The following LEKR1 variants were observed in gnomAD, a reference collection of about 807,000 sequenced individuals.
LEKR1 encodes the protein protein LEKR1.
In LEKR1, 59 loss-of-function variants were observed where a neutral mutation model predicts 72.4. The ratio of observed to expected loss-of-function variants is 0.82; its 90% CI spans 0.66 to 1.01. LEKR1 has a LOEUF of 1.01. Among genes scored for constraint, LEKR1 ranks in the 50% least tolerant of loss-of-function variants. LEKR1 has a pLI of 0.00. For missense variants in LEKR1, 728 were observed against 759.2 expected, an observed-to-expected ratio of 0.96 and a Z score of 0.48; for synonymous variants, 257 against 263.2, an observed-to-expected ratio of 0.98 and a Z score of 0.23.
At chr3:157,043,897 T>C (rs928838923) in intron 12 of LEKR1, among the ~76,000 whole-genome samples, 1 of 152,208 alleles carries the variant, frequency 6.6e-6, no homozygotes, top group Non-Finnish European at 1.5e-5. Flanking sequence ...ATGTAAATGA[T>C]GAGTATTTGT....
intron 6 of LEKR1, among the ~76,000 whole-genome samples, chr3:156,958,467 G>C (rs1727842842): frequency 6.6e-6 from 1 of 152,036 alleles, no homozygotes; most frequent in Admixed American, 6.6e-5. Flanking sequence ...TAGGGTCCAT[G>C]AGGGACTTTC....
At chr3:157,038,172 G>A (rs1735097278) in intron 12 of LEKR1, among the ~76,000 whole-genome samples, 1 of 152,160 alleles carries the variant, frequency 6.6e-6, no homozygotes, top group Non-Finnish European at 1.5e-5. Context: ...CTGTGAAGGA[G>A]GTGACCAATC....
intron 6 of LEKR1, among the ~76,000 whole-genome samples, chr3:156,966,723 G>A (rs1038018506): frequency 3.3e-5 from 5 of 152,164 alleles, no homozygotes; most frequent in African/African-American, 1.2e-4. Context: ...CCAAACAAAA[G>A]GCATCAGAAT....
chr3:156,847,665 C>T (rs572556590), intron 2 of LEKR1, among the ~76,000 whole-genome samples: 1 of 152,156 alleles, frequency 6.6e-6, no homozygotes, highest in African/African-American at 2.4e-5. Context: ...GGTTACAGAA[C>T]ATTATTTACA....
intron 3 of LEKR1, among the ~76,000 whole-genome samples, chr3:156,856,082 T>C (rs1716022665): frequency 6.6e-6 from 1 of 152,070 alleles, no homozygotes; most frequent in African/African-American, 2.4e-5. Context: ...AACAACAACA[T>C]ATGTTTAAAA....
At chr3:156,890,292 AAAT>A (rs1720523019) in intron 3 of LEKR1, among the ~76,000 whole-genome samples, 1 of 152,204 alleles carries the variant, frequency 6.6e-6, no homozygotes, top group Non-Finnish European at 1.5e-5. Flanking sequence ...TTAAATGCCA[AAAT>A]AAAGAGAAAT....
At chr3:156,862,234 A>G (rs985940567) in intron 3 of LEKR1, among the ~76,000 whole-genome samples, 3 of 151,900 alleles carry the variant, frequency 2.0e-5, no homozygotes, top group Non-Finnish European at 4.4e-5. Flanking sequence ...TTTTCTCCCA[A>G]AGCTTTTTAA....
chr3:157,028,210 A>G lies in LEKR1; in HGVS notation c.1476A>G (p.Ser492=). 1 of 1,612,938 alleles carries G rather than the reference A, an allele frequency of 6.2e-7. No individual in the cohort carries two copies. Among genetic ancestry groups the G allele is most frequent in the Non-Finnish European group, 8.5e-7 (1 of 1,179,092 alleles). ...SHIRYTEESN[S]KEKEIENLKN... ...TTCGGTACACTGAAGAATCTAATTC[A>G]AAGGAAAAAGAAATTGAAAATCTTA... The change falls in exon 12 of 13, where the codon TCA becomes TCG. Residue 492 remains serine, a synonymous_variant. Coordinates refer to ENST00000356539, the MANE Select transcript of LEKR1 (RefSeq NM_001004316.3).
intron 12 of LEKR1, 43 bp from the exon 13 acceptor site, chr3:157,045,297 G>A: frequency 6.6e-7 from 1 of 1,521,616 alleles, no homozygotes; most frequent in Non-Finnish European, 9.0e-7. Flanking sequence ...TATGTACATT[G>A]TTTAAAGCTA....
intron 12 of LEKR1, among the ~76,000 whole-genome samples, chr3:157,029,945 T>G (rs556766226): frequency 6.6e-6 from 1 of 152,246 alleles, no homozygotes; most frequent in African/African-American, 2.4e-5. Context: ...ATTCAGTAAA[T>G]GTATATTAGC....
At chr3:156,889,934 G>T (rs1311806764) in intron 3 of LEKR1, among the ~76,000 whole-genome samples, 2 of 152,312 alleles carry the variant, frequency 1.3e-5, no homozygotes, top group Non-Finnish European at 2.9e-5. Context: ...GTGTCAGGCT[G>T]CCTGAGTTCA....
At chr3:156,837,709 A>C (rs753847979) in intron 2 of LEKR1, among the ~76,000 whole-genome samples, 3 of 152,228 alleles carry the variant, frequency 2.0e-5, no homozygotes, top group Non-Finnish European at 4.4e-5. Context: ...CAGACTAATC[A>C]CACAAATCCT....
At chr3:156,958,894 C>G (rs555533132) in intron 6 of LEKR1, among the ~76,000 whole-genome samples, 12 of 152,220 alleles carry the variant, frequency 7.9e-5, no homozygotes, top group Admixed American at 2.0e-4. Flanking sequence ...TGTTCCCATT[C>G]AAATCGTTTT....
chr3:157,038,748 A>T (rs1735140776), intron 12 of LEKR1, among the ~76,000 whole-genome samples: 1 of 152,236 alleles, frequency 6.6e-6, no homozygotes, highest in African/African-American at 2.4e-5. Flanking sequence ...GTGCTCAGAT[A>T]TAAAATTATT....
chr3:157,045,866 A>G lies in LEKR1; in HGVS notation c.*116A>G. On this transcript the variant is annotated 3_prime_UTR_variant, in exon 13 of 13. Transcript: ENST00000356539. ...AATTATTTTCACAGATCAGGAAGGC[A>G]TACCTATAGATGTATTTAACAAAAG... is the stretch of plus-strand genomic sequence containing the variant. 2 of 897,952 alleles carry G rather than the reference A, an allele frequency of 2.2e-6. No individual in the cohort carries two copies. The highest frequency in any genetic ancestry group is 3.3e-6 in the Non-Finnish European group (2 of 600,144). The allele number at this position is 897,952 out of a possible 1,614,324, so 55.6% of individuals were successfully genotyped here.
In LEKR1 at chr3:156,979,532, C is replaced by T. The variant is rs530212109; in HGVS notation, c.827+257C>T. 6 of 195,460 alleles carry T rather than the reference C, an allele frequency of 3.1e-5. No homozygotes were observed. The East Asian group carries it at 8.1e-4, about 26-fold the overall frequency. The allele number at this position is 195,460 out of a possible 1,614,324, so 12.1% of individuals were successfully genotyped here. On this transcript the variant is annotated intron_variant, in intron 7 of 12. Coordinates refer to ENST00000356539, the MANE Select transcript of LEKR1 (RefSeq NM_001004316.3). ...TTTCTTTCTCTCAATAAGAAACTTA[C>T]TTATCCATATATTAAAGCTTTCCCT...
In LEKR1 at chr3:156,899,745, T is replaced by C. The variant is rs139460267; in HGVS notation, c.264-20830T>C. Among the ~76,000 whole-genome samples the C allele has an allele frequency of 1.6e-4, 22 of 139,810 alleles. No homozygotes were observed. In the East Asian group the frequency reaches 2.3e-3, roughly 15 times the overall value. 91.7% of individuals were successfully genotyped at this position (139,810 alleles called of 152,430 possible). A position where few individuals can be genotyped will look rare whatever the true frequency, so the allele number is the denominator to read the frequency against. On this transcript the variant is annotated intron_variant, in intron 3 of 12. Coordinates refer to ENST00000356539, the MANE Select transcript of LEKR1 (RefSeq NM_001004316.3). Reference sequence around the variant, plus strand: ...ACATGCATATATACACATATATACATGCATATATACACATATACATGCATA... The same window carrying C: ...ACATGCATATATACACATATATACACGCATATATACACATATACATGCATA...
At chr3:156,945,230 CTATT>C (rs1388102788) in intron 6 of LEKR1, among the ~76,000 whole-genome samples, 1 of 151,788 alleles carries the variant, frequency 6.6e-6, no homozygotes, top group Non-Finnish European at 1.5e-5. Flanking sequence ...TGAGAAATGT[CTATT>C]TAGATCTTTT....
intron 3 of LEKR1, among the ~76,000 whole-genome samples, chr3:156,901,875 AG>A (rs1017696092): frequency 6.6e-6 from 1 of 151,990 alleles, no homozygotes; most frequent in African/African-American, 2.4e-5. Flanking sequence ...TAGTAGAGAC[AG>A]GGTTTCATTA....
Sources: allele counts gnomAD v4.1 joint callset (sites outside exome capture counted in the v4.1 genomes callset), GRCh38; gene constraint gnomAD v4.1.1; transcripts MANE v1.5; gene names NCBI Gene and HGNC (gene_info 2026-07-23, HGNC 2026-07-21).